The following NUP98 variants were observed in gnomAD, a reference collection of about 807,000 sequenced individuals.
NUP98 encodes the protein nucleoporin 98 and 96 precursor.
In NUP98, 26 loss-of-function variants were observed where a neutral mutation model predicts 191.9. The ratio of observed to expected loss-of-function variants is 0.14; its 90% CI spans 0.10 to 0.19. The LOEUF is 0.19. NUP98 is among the 10% of genes least tolerant of loss of function. NUP98 has a pLI of 1.00. For synonymous variants in NUP98, 808 were observed against 778.4 expected, an observed-to-expected ratio of 1.04 and a Z score of -0.63; for missense variants, 1,941 against 2,178.8, an observed-to-expected ratio of 0.89 and a Z score of 2.17.
At chr11:3,694,411 GA>G (rs2078432146) in intron 26 of NUP98, among the ~76,000 whole-genome samples, 1 of 150,162 alleles carries the variant, frequency 6.7e-6, no homozygotes, top group Non-Finnish European at 1.5e-5. Flanking sequence ...TTCATGACAT[GA>G]AAAAATATTC....
chr11:3,683,510 G>C, intron 29 of NUP98, 69 bp from the exon 30 acceptor site: 1 of 1,562,330 alleles, frequency 6.4e-7, no homozygotes. Context: ...AGGCAGCTTA[G>C]AGTGGCCCTT....
chr11:3,706,631 T>G lies in NUP98; in HGVS notation c.2743-4A>C. On this transcript the variant is annotated splice_region_variant and splice_polypyrimidine_tract_variant and intron_variant, in intron 20 of 32. Coordinates refer to ENST00000324932, the MANE Select transcript of NUP98 (RefSeq NM_016320.5). ...GCTCCACCTCTGGGCTCTGGCTCTG[T>G]AGACAGCAGAAAGATCAGGAAAGCA... The G allele has an allele frequency of 6.2e-7, 1 of 1,612,552 alleles. No homozygotes were observed. Among genetic ancestry groups the G allele is most frequent in the Non-Finnish European group, 8.5e-7 (1 of 1,179,476 alleles).
chr11:3,762,948 G>T lies in NUP98; in HGVS notation c.1040C>A (p.Thr347Lys). The T allele has an allele frequency of 6.2e-7, 1 of 1,614,108 alleles. No individual in the cohort carries two copies. ...AGTATTGGTCTGCCCAAAGAGACCT[G>T]TTCCTGTTCCAAATGCTGTCCCAGT... Reference protein sequence around the residue: ...TSTGTAFGTGTGLFGQTNTGF... With the variant: ...TSTGTAFGTGKGLFGQTNTGF... Residue 347 changes from threonine to lysine, a missense_variant, in exon 9 of 33, where the codon ACA (threonine) becomes AAA (lysine). Thr to Lys is a moderately conservative substitution (Grantham distance 78). Transcript: ENST00000324932.
intron 1 of NUP98, among the ~76,000 whole-genome samples, chr11:3,794,040 T>G (rs537371969): frequency 4.9e-4 from 75 of 152,268 alleles, no homozygotes; most frequent in Middle Eastern, 6.8e-3. Context: ...CAAGGGCAAT[T>G]CTGACAATTT....
rs1395893340 is a variant in NUP98, at chr11:3,675,858, T to C, written c.*301A>G. On this transcript the variant is annotated 3_prime_UTR_variant, in exon 33 of 33. Transcript: ENST00000324932. ...AGAATGGCTAGGGATGGAAAAAGAA[T>C]ACCCTGGTTCTTTGGGGGATTCTGC... 1 of 442,694 alleles carries C rather than the reference T, an allele frequency of 2.3e-6. No individual in the cohort carries two copies. Among genetic ancestry groups the C allele is most frequent in the Non-Finnish European group, 4.1e-6 (1 of 242,216 alleles). The allele number at this position is 442,694 out of a possible 1,614,324, so 27.4% of individuals were successfully genotyped here.
At chr11:3,789,527 T>C (rs1379525703) in intron 1 of NUP98, among the ~76,000 whole-genome samples, 1 of 151,456 alleles carries the variant, frequency 6.6e-6, no homozygotes, top group Non-Finnish European at 1.5e-5. Context: ...TTTTTGGTTT[T>C]TGTTTTGAGA....
chr11:3,779,250 G>A lies in NUP98; in HGVS notation c.84C>T (p.Gly28=). The change falls in exon 3 of 33, where the codon GGC becomes GGT. Residue 28 remains glycine, a synonymous_variant. Transcript: ENST00000324932. ...ATGCCCCTCCACTAGTAGTGCCAAA[G>A]CCAGTATCTGAAAAAGCAAAATCCA... is the stretch of plus-strand genomic sequence containing the variant. ...GTTSTFGQNT[G]FGTTSGGAFG... is the part of the protein sequence containing the mutation. 1 of 1,613,634 alleles carries A rather than the reference G, an allele frequency of 6.2e-7. No individual in the cohort carries two copies. The highest frequency in any genetic ancestry group is 8.5e-7 in the Non-Finnish European group (1 of 1,179,542).
Position 3,725,239 on chromosome 11 carries a change from A to G in NUP98, c.1731-20T>C, listed in dbSNP as rs766858697. 4.2e-6 allele frequency: 5 copies of G among 1,201,008 alleles called. No individual in the cohort carries two copies. In the South Asian group the frequency reaches 6.3e-5, roughly 15 times the overall value. 74.4% of individuals were successfully genotyped at this position (1,201,008 alleles called of 1,614,324 possible). On this transcript the variant is annotated intron_variant, in intron 14 of 32. Transcript: ENST00000324932. ...CTCTTCCTATAAACAAGAAACCAAA[A>G]GAAGAAGAAAAAAATTACTCAGGCA...
At chr11:3,680,786 G>C (rs563603904) in intron 30 of NUP98, among the ~76,000 whole-genome samples, 119 of 152,228 alleles carry the variant, frequency 7.8e-4, no homozygotes, top group African/African-American at 2.6e-3. Context: ...GAGCTCAAGA[G>C]ATCCACTCAT....
At chr11:3,724,531 C>T (rs1303370658) in intron 15 of NUP98, among the ~76,000 whole-genome samples, 3 of 151,726 alleles carry the variant, frequency 2.0e-5, no homozygotes, top group Admixed American at 6.6e-5. Context: ...GTGGCTCACG[C>T]ATGTAATACC....
chr11:3,725,004 T>C, intron 15 of NUP98, 99 bp downstream of exon 15: 1 of 606,016 alleles, frequency 1.7e-6, no homozygotes, highest in South Asian at 2.4e-5. Context: ...CTATGTAATA[T>C]TCATCAAACT....
chr11:3,750,192 T>C (rs2080691827), intron 11 of NUP98, among the ~76,000 whole-genome samples: 1 of 152,180 alleles, frequency 6.6e-6, no homozygotes, highest in African/African-American at 2.4e-5. Context: ...TGATCACCGC[T>C]CACTGCAGTC....
At chr11:3,717,607 G>A (rs2079232022) in intron 18 of NUP98, among the ~76,000 whole-genome samples, 1 of 152,116 alleles carries the variant, frequency 6.6e-6, no homozygotes, top group Non-Finnish European at 1.5e-5. Flanking sequence ...TTCTACACAA[G>A]ATGTCATCAA....
intron 29 of NUP98, among the ~76,000 whole-genome samples, chr11:3,684,766 CAAAAAAAAAAAAAAAAA>C (rs71041370): frequency 2.4e-4 from 24 of 101,798 alleles, no homozygotes; most frequent in South Asian, 1.0e-3. Context: ...TTTCACAGGC[CAAAAAAAAAAAAAAAAA>C]AAAAAAAAAA....
At chr11:3,775,199 T>TA (rs956667541) in intron 5 of NUP98, among the ~76,000 whole-genome samples, 2 of 152,192 alleles carry the variant, frequency 1.3e-5, no homozygotes, top group African/African-American at 4.8e-5. Context: ...GCTGATGAGT[T>TA]ACTCTTATTT....
intron 12 of NUP98, among the ~76,000 whole-genome samples, chr11:3,737,549 C>T (rs1008079747): frequency 1.3e-5 from 2 of 152,116 alleles, no homozygotes; most frequent in Admixed American, 6.5e-5. Flanking sequence ...ATGGCGTGAA[C>T]CCAGGATACA....
chr11:3,723,873 T>C (rs1414510696), intron 15 of NUP98, among the ~76,000 whole-genome samples: 5 of 150,552 alleles, frequency 3.3e-5, no homozygotes, highest in Non-Finnish European at 5.9e-5. Context: ...CAGGAGGCCC[T>C]GAGAACTTGT....
chr11:3,683,479 A>G, intron 29 of NUP98, 38 bp from the exon 30 acceptor site: 3 of 1,607,908 alleles, frequency 1.9e-6, no homozygotes, highest in Non-Finnish European at 2.5e-6. Context: ...TCCCATCCTC[A>G]TTCATGGAGA....
chr11:3,749,980 A>G (rs1211339045), intron 11 of NUP98, among the ~76,000 whole-genome samples: 1 of 152,234 alleles, frequency 6.6e-6, no homozygotes, highest in Non-Finnish European at 1.5e-5. Flanking sequence ...TGATGTATCA[A>G]TCCTACAATA....
Sources: allele counts gnomAD v4.1 joint callset (sites outside exome capture counted in the v4.1 genomes callset), GRCh38; gene constraint gnomAD v4.1.1; transcripts MANE v1.5; gene names NCBI Gene and HGNC (gene_info 2026-07-23, HGNC 2026-07-21).